PLD1: variants seen among roughly 807,000 people sequenced by gnomAD.
PLD1 encodes choline phosphatase 1.
Under a neutral mutation model 137.1 loss-of-function variants are expected in PLD1, and 112 were observed. That is an observed-to-expected ratio of 0.82 (90% CI 0.70 to 0.96). The LOEUF is 0.96. Among genes scored for constraint, PLD1 ranks in the 40% least tolerant of loss-of-function variants. PLD1 has a pLI of 0.00. For synonymous variants in PLD1, 431 were observed against 454.7 expected, an observed-to-expected ratio of 0.95 and a Z score of 0.66; for missense variants, 1,321 against 1,342.0, an observed-to-expected ratio of 0.98 and a Z score of 0.24.
At chr3:171,706,675 G>T (rs1230963476) in intron 11 of PLD1, among the ~76,000 whole-genome samples, 2 of 152,002 alleles carry the variant, frequency 1.3e-5, no homozygotes, top group African/African-American at 2.4e-5. Flanking sequence ...TCAGATCTAC[G>T]CATACTAGTG....
chr3:171,808,272 C>T (rs920370580), intron 1 of PLD1, among the ~76,000 whole-genome samples: 4 of 151,998 alleles, frequency 2.6e-5, no homozygotes, highest in African/African-American at 9.7e-5. Flanking sequence ...TGCAGTGGCT[C>T]ACGCCTGTAA....
At chr3:171,736,796 T>C (rs369740003) in intron 3 of PLD1, among the ~76,000 whole-genome samples, 5 of 152,138 alleles carry the variant, frequency 3.3e-5, no homozygotes, top group African/African-American at 1.2e-4. Context: ...GGGACAAAGG[T>C]CACCACCCTG....
intron 3 of PLD1, among the ~76,000 whole-genome samples, chr3:171,736,024 C>T (rs1255649827): frequency 1.3e-5 from 2 of 152,146 alleles, no homozygotes; most frequent in African/African-American, 4.8e-5. Flanking sequence ...AGGCAATTGG[C>T]AGGGGTGAGA....
rs202152284 is a variant in PLD1, at chr3:171,677,708, A to G, written c.1868-14T>C. ...TGGACCCGGTATCTGTGAATGCAGC[A>G]AGACCCCCTCAGAGACTGTGGTTCA... On this transcript the variant is annotated splice_polypyrimidine_tract_variant and intron_variant, in intron 16 of 26. Coordinates refer to ENST00000351298, the MANE Select transcript of PLD1 (RefSeq NM_002662.5). 4.5e-5 allele frequency: 73 copies of G among 1,612,906 alleles called. No homozygotes were observed. In the Admixed American group the frequency reaches 1.2e-3, roughly 27 times the overall value.
intron 12 of PLD1, among the ~76,000 whole-genome samples, chr3:171,696,483 A>G (rs879516641): frequency 1.3e-5 from 2 of 152,230 alleles, no homozygotes; most frequent in Non-Finnish European, 2.9e-5. Flanking sequence ...TACGTTGGCT[A>G]TAAGGCAGAG....
intron 1 of PLD1, among the ~76,000 whole-genome samples, chr3:171,753,272 C>T (rs2108294500): frequency 6.6e-6 from 1 of 152,330 alleles, no homozygotes; most frequent in Middle Eastern, 3.4e-3. Context: ...TCTCAGGACA[C>T]CTGAATCCTG....
chr3:171,686,721 T>C lies in PLD1; in HGVS notation c.1831A>G (p.Ser611Gly), dbSNP rs1362638694. 12 of 1,608,864 alleles carry C rather than the reference T, an allele frequency of 7.5e-6. No homozygotes were observed. The highest frequency in any genetic ancestry group is 9.4e-6 in the Non-Finnish European group (11 of 1,175,220). The part of the protein sequence containing the change: ...KPHFKLFHPS[S>G]ESEQGLTRPH... ...CTAGTGAGTCCTTGCTCAGACTCAC[T>C]GGACGGGTGAAAGAGTTTGAAGTGG... Residue 611 changes from serine to glycine, a missense_variant, in exon 16 of 27, where the codon AGT becomes GGT. By Grantham distance (56) the Ser-to-Gly change is moderately conservative. Transcript: ENST00000351298.
intron 24 of PLD1, among the ~76,000 whole-genome samples, chr3:171,619,025 T>G (rs1733364365): frequency 6.6e-6 from 1 of 152,192 alleles, no homozygotes; most frequent in Admixed American, 6.5e-5. Context: ...AGAAAGCATA[T>G]TTATTGTCCA....
At chr3:171,705,076 A>G (rs1056457985) in intron 11 of PLD1, among the ~76,000 whole-genome samples, 1 of 152,182 alleles carries the variant, frequency 6.6e-6, no homozygotes, top group Non-Finnish European at 1.5e-5. Context: ...CTCCTGTTGC[A>G]TGGCCTGGTT....
chr3:171,639,846 C>CTATA (rs771002250), intron 23 of PLD1, among the ~76,000 whole-genome samples: 3,193 of 103,464 alleles, frequency 0.031, 51 homozygotes, highest in South Asian at 0.052. Context: ...CTCTCTCTCT[C>CTATA]TCTATATATA....
intron 16 of PLD1, among the ~76,000 whole-genome samples, chr3:171,684,851 T>C (rs755634450): frequency 9.2e-5 from 14 of 152,184 alleles, no homozygotes; most frequent in Non-Finnish European, 1.6e-4. Context: ...CCTCCCAAAT[T>C]GCTGGGATTA....
chr3:171,749,731 C>A (rs1720519557), intron 1 of PLD1, among the ~76,000 whole-genome samples: 1 of 152,150 alleles, frequency 6.6e-6, no homozygotes, highest in African/African-American at 2.4e-5. Context: ...GAACAAACTT[C>A]ACAGCAATCA....
chr3:171,672,866 C>T (rs765520831), intron 19 of PLD1, among the ~76,000 whole-genome samples: 30 of 152,190 alleles, frequency 2.0e-4, no homozygotes, highest in Non-Finnish European at 4.1e-4. Flanking sequence ...ATTGACCTCA[C>T]CAGGCAGCAG....
chr3:171,714,593 T>C (rs1313389232), intron 8 of PLD1, among the ~76,000 whole-genome samples: 1 of 152,188 alleles, frequency 6.6e-6, no homozygotes, highest in Non-Finnish European at 1.5e-5. Flanking sequence ...GAATATAAAC[T>C]AAGTAATACT....
In PLD1 at chr3:171,659,895, T is replaced by TA. The variant is rs143304846; in HGVS notation, c.2341-595dup. 1.7e-3 allele frequency among the ~76,000 whole-genome samples: 262 copies of TA among 152,286 alleles called. 1 individual carries two copies. The highest frequency in any genetic ancestry group is 6.1e-3 in the African/African-American group (253 of 41,564). ...CATATATATAAGCCAGTTAATAAAATAAAAAATGTTTTTTTCCTCTAAGTA... is the reference window on the plus strand; with the variant it reads ...CATATATATAAGCCAGTTAATAAAATAAAAAAATGTTTTTTTCCTCTAAGTA... On this transcript the variant is annotated intron_variant, in intron 20 of 26. Transcript: ENST00000351298.
At chr3:171,620,769 T>TG (rs1491299107) in intron 23 of PLD1, among the ~76,000 whole-genome samples, 38 of 88,500 alleles carry the variant, frequency 4.3e-4, no homozygotes, top group African/African-American at 2.4e-3. Flanking sequence ...TATATATATA[T>TG]TATATATATT....
chr3:171,620,313 T>G, intron 24 of PLD1, 73 bp downstream of exon 24: 1 of 1,094,372 alleles, frequency 9.1e-7, no homozygotes, highest in Non-Finnish European at 1.3e-6. Flanking sequence ...TTAGGAGGAA[T>G]AGCAGCAAAC....
At chr3:171,768,045 T>A (rs945351917) in intron 1 of PLD1, among the ~76,000 whole-genome samples, 1 of 152,002 alleles carries the variant, frequency 6.6e-6, no homozygotes, top group Non-Finnish European at 1.5e-5. Context: ...ATTACCACTA[T>A]TCTACCACTT....
intron 24 of PLD1, among the ~76,000 whole-genome samples, chr3:171,617,001 T>G (rs1733168442): frequency 6.6e-6 from 1 of 152,144 alleles, no homozygotes; most frequent in African/African-American, 2.4e-5. Flanking sequence ...GGTCAGAAGT[T>G]CTCAGCTCTG....
Sources: allele counts gnomAD v4.1 joint callset (sites outside exome capture counted in the v4.1 genomes callset), GRCh38; gene constraint gnomAD v4.1.1; transcripts MANE v1.5; gene names NCBI Gene and HGNC (gene_info 2026-07-23, HGNC 2026-07-21).